TPD52: variants seen among roughly 807,000 people sequenced by gnomAD.
TPD52 encodes prostate and colon associated protein.
TPD52 carries 17 observed loss-of-function variants against 31.3 expected under a neutral mutation model. The observed-to-expected ratio is 0.54, with a 90% CI of 0.37 to 0.82. The LOEUF is 0.82. TPD52 is among the 40% of genes least tolerant of loss of function. The pLI is 0.00. For missense variants in TPD52, 212 were observed against 240.1 expected (o/e 0.88, Z 0.77); for synonymous variants, 83 against 89.6 (o/e 0.93, Z 0.42).
At chr8:80,092,023 A>T (rs974342920) in intron 1 of TPD52, among the ~76,000 whole-genome samples, 1 of 152,220 alleles carries the variant, frequency 6.6e-6, no homozygotes, top group African/African-American at 2.4e-5. Flanking sequence ...CTTTTTGTAT[A>T]TATTTCTTAT....
At chr8:80,125,598 A>G (rs1808547644) in intron 1 of TPD52, among the ~76,000 whole-genome samples, 1 of 152,166 alleles carries the variant, frequency 6.6e-6, no homozygotes, top group Non-Finnish European at 1.5e-5. Context: ...AGTTCATTCA[A>G]CCTAAGATGC....
intron 1 of TPD52, among the ~76,000 whole-genome samples, chr8:80,066,187 T>C (rs964220050): frequency 6.6e-6 from 1 of 152,100 alleles, no homozygotes; most frequent in Non-Finnish European, 1.5e-5. Flanking sequence ...CAGCAAGCAT[T>C]AGAGAATTAC....
rs533614221 is a variant in TPD52, at chr8:80,169,016, G to C, written c.19+2409C>G. ...TGTTTGTTTTTTGAGATAGAGTCTC[G>C]CTCTGTCGCCCAGGCTGGAGTGCAG... On this transcript the variant is annotated intron_variant, in intron 1 of 7. Transcript: ENST00000518937. 2.0e-5 allele frequency among the ~76,000 whole-genome samples: 3 copies of C among 152,240 alleles called. No individual in the cohort carries two copies. The South Asian group carries it at 6.2e-4, about 32-fold the overall frequency.
At chr8:80,047,652 A>G (rs577211998) in intron 5 of TPD52, among the ~76,000 whole-genome samples, 6 of 152,358 alleles carry the variant, frequency 3.9e-5, no homozygotes, top group African/African-American at 1.4e-4. Context: ...GGCATGAAAC[A>G]GAGAAAAGTT....
chr8:80,161,501 A>G (rs1811357223), intron 1 of TPD52, among the ~76,000 whole-genome samples: 1 of 152,162 alleles, frequency 6.6e-6, no homozygotes, highest in Non-Finnish European at 1.5e-5. Flanking sequence ...AATAAAATGT[A>G]AGGCAGTCTC....
At chr8:80,131,418 A>G (rs1431398587) in intron 1 of TPD52, among the ~76,000 whole-genome samples, 2 of 152,234 alleles carry the variant, frequency 1.3e-5, no homozygotes, top group Non-Finnish European at 2.9e-5. Flanking sequence ...ACTCAGAGGA[A>G]TATTGACTCC....
chr8:80,039,423 T>G (rs1437889705), intron 7 of TPD52, among the ~76,000 whole-genome samples: 2 of 152,054 alleles, frequency 1.3e-5, no homozygotes, highest in East Asian at 3.9e-4. Context: ...AATCAATCTT[T>G]TTTTTTTTCC....
chr8:80,063,848 GGAA>G (rs1446535978), intron 2 of TPD52, among the ~76,000 whole-genome samples: 2 of 142,694 alleles, frequency 1.4e-5, no homozygotes. Context: ...TGAATTTCAT[GGAA>G]GAAGTTAGGA....
intron 1 of TPD52, among the ~76,000 whole-genome samples, chr8:80,159,851 A>T (rs1398570932): frequency 6.6e-6 from 1 of 152,206 alleles, no homozygotes; most frequent in East Asian, 1.9e-4. Flanking sequence ...GAAAGAAAAC[A>T]TTTCTTTAAA....
intron 5 of TPD52, among the ~76,000 whole-genome samples, chr8:80,048,163 G>A (rs1811053508): frequency 6.6e-6 from 1 of 152,098 alleles, no homozygotes; most frequent in South Asian, 2.1e-4. Flanking sequence ...GTCCTCCTTG[G>A]CCTTGCTACC....
intron 1 of TPD52, among the ~76,000 whole-genome samples, chr8:80,099,849 C>CTATTGAATGCAGA (rs1166410732): frequency 6.6e-6 from 1 of 152,158 alleles, no homozygotes; most frequent in Non-Finnish European, 1.5e-5. Context: ...AAACAGATAT[C>CTATTGAATGCAGA]TATTGAATGC....
intron 1 of TPD52, among the ~76,000 whole-genome samples, chr8:80,075,153 G>A (rs577153150): frequency 1.3e-5 from 2 of 151,952 alleles, no homozygotes; most frequent in Non-Finnish European, 2.9e-5. Context: ...CTAATTTTTC[G>A]TATTTTAGTA....
intron 1 of TPD52, among the ~76,000 whole-genome samples, chr8:80,077,484 C>T (rs748021243): frequency 7.9e-5 from 12 of 152,066 alleles, no homozygotes; most frequent in African/African-American, 1.2e-4. Context: ...ATTATTCCCA[C>T]GGTAAAACAC....
At chr8:80,038,266 A>G in intron 7 of TPD52, 31 bp from the exon 8 acceptor site, 1 of 1,609,690 alleles carries the variant, frequency 6.2e-7, no homozygotes. Flanking sequence ...AGGGAAAGAC[A>G]TTATGAAACA....
At chr8:80,054,750 A>G (rs1364432390) in intron 2 of TPD52, among the ~76,000 whole-genome samples, 1 of 151,866 alleles carries the variant, frequency 6.6e-6, no homozygotes, top group Admixed American at 6.6e-5. Flanking sequence ...CCAAGAAAAA[A>G]AAAAAAAGAA....
intron 1 of TPD52, among the ~76,000 whole-genome samples, chr8:80,141,827 T>C (rs998483511): frequency 3.9e-4 from 60 of 152,072 alleles, no homozygotes; most frequent in Admixed American, 1.8e-3. Flanking sequence ...GGAGAATCAC[T>C]TGAACCCAGG....
At chr8:80,112,120 CTG>C (rs1462880894) in intron 1 of TPD52, among the ~76,000 whole-genome samples, 2 of 152,130 alleles carry the variant, frequency 1.3e-5, no homozygotes, top group Non-Finnish European at 2.9e-5. Flanking sequence ...CCCAGGGTGA[CTG>C]TTGAATTTGA....
intron 1 of TPD52, among the ~76,000 whole-genome samples, chr8:80,159,038 T>A (rs1811180326): frequency 1.3e-5 from 2 of 151,704 alleles, no homozygotes; most frequent in Non-Finnish European, 1.5e-5. Flanking sequence ...GAGCACTATG[T>A]CCAATATCAC....
chr8:80,050,422 G>A, intron 5 of TPD52, 23 bp downstream of exon 5: 2 of 1,603,294 alleles, frequency 1.2e-6, no homozygotes, highest in East Asian at 2.2e-5. Flanking sequence ...CTGGACTGCA[G>A]TGATGGTTCA....
Sources: gnomAD v4.1 joint callset for allele counts (sites outside exome capture counted in the v4.1 genomes callset) on GRCh38, gnomAD v4.1.1 for gene constraint, MANE v1.5 for transcripts, NCBI Gene and HGNC (gene_info 2026-07-23, HGNC 2026-07-21) for gene names.